Variants in NFE2L2 observed in about 807,000 individuals in gnomAD.
NFE2L2 encodes the protein NFE2 like bZIP transcription factor 2, also known as nuclear factor erythroid 2-related factor 2.
In NFE2L2, 20 loss-of-function variants were observed where a neutral mutation model predicts 49.6. The observed-to-expected ratio is 0.40, with a 90% CI of 0.28 to 0.59. The LOEUF is 0.59. NFE2L2 is among the 20% of genes least tolerant of loss of function. The probability of loss-of-function intolerance (pLI) is 0.40; values close to 1 mark genes in which losing one functional copy is unlikely to be tolerated. For missense variants in NFE2L2, 578 were observed against 714.2 expected, an observed-to-expected ratio of 0.81 and a Z score of 2.17; for synonymous variants, 244 against 256.5, an observed-to-expected ratio of 0.95 and a Z score of 0.47.
chr2:177,251,780 C>A (rs534059955), intron 1 of NFE2L2, among the ~76,000 whole-genome samples: 1 of 151,530 alleles, frequency 6.6e-6, no homozygotes, highest in Admixed American at 6.6e-5. Flanking sequence ...CCGAGGTGGG[C>A]GGATCACGAG....
intron 1 of NFE2L2, among the ~76,000 whole-genome samples, chr2:177,242,579 C>T (rs1689976509): frequency 6.6e-6 from 1 of 152,188 alleles, no homozygotes; most frequent in South Asian, 2.1e-4. Context: ...CAGCCATTTT[C>T]ATGGGCTGCT....
chr2:177,233,170 G>T, intron 3 of NFE2L2, 80 bp downstream of exon 3: 3 of 1,169,818 alleles, frequency 2.6e-6, no homozygotes, highest in African/African-American at 1.7e-5. Context: ...GAGATTCATT[G>T]ACGGGACTTA....
chr2:177,231,237 T>C lies in NFE2L2; in HGVS notation c.1366A>G (p.Arg456Gly). Residue 456 changes from arginine (R) to glycine (G), a missense_variant, in exon 5 of 5, where the codon AGA (arginine) becomes GGA (glycine). By Grantham distance (125) the Arg-to-Gly change is moderately radical. Around this residue, in one of 3 missense-constraint regions of NFE2L2, gnomAD observed 117 missense variants for 175.8 expected, o/e 0.67. Transcript: ENST00000397062. Reference protein sequence around the residue: ...HSSRLEAHLTRDELRAKALHI... With the variant: ...HSSRLEAHLTGDELRAKALHI... ...AGAGCTTTTGCCCTAAGTTCATCTC[T>C]TGTGAGATGAGCCTCCAAGCGGCTT... 6.2e-7 allele frequency: 1 copy of C among 1,614,222 alleles called. No homozygotes were observed. The highest frequency in any genetic ancestry group is 8.5e-7 in the Non-Finnish European group (1 of 1,180,022).
intron 1 of NFE2L2, among the ~76,000 whole-genome samples, chr2:177,244,169 C>G (rs1429509492): frequency 1.3e-5 from 2 of 151,468 alleles, no homozygotes; most frequent in African/African-American, 2.4e-5. Context: ...GGCATGGTGG[C>G]GGGTGCCTGT....
In NFE2L2 at chr2:177,231,105, C is replaced by T. The variant is rs774478415; in HGVS notation, c.1498G>A (p.Asp500Asn). ...TTATTCTTACCCCTCCTACGTATAT[C>T]CCGAATTAATGCAAGTTGAGCTTCA... ...FNEAQLALIR[D>N]IRRRGKNKVA... The change falls in exon 5 of 5, where the codon GAT (aspartate) becomes AAT (asparagine). Residue 500 changes from aspartate (D) to asparagine (N), a missense_variant. Physicochemically the swap from Asp to Asn is conservative, Grantham distance 23. This residue lies in a region of NFE2L2 where 117 missense variants were observed against 175.8 expected (regional missense o/e 0.67). Coordinates refer to ENST00000397062, the MANE Select transcript of NFE2L2 (RefSeq NM_006164.5). 1.2e-5 allele frequency: 20 copies of T among 1,614,096 alleles called. No homozygotes were observed. The highest frequency in any genetic ancestry group is 1.5e-5 in the Non-Finnish European group (18 of 1,180,036).
intron 1 of NFE2L2, chr2:177,256,120 T>C (rs553323878): frequency 1.4e-4 from 22 of 154,746 alleles, no homozygotes; most frequent in South Asian, 6.1e-4. Flanking sequence ...GCCCCAGTAC[T>C]GCAAAACAAA....
At position 177,261,880 on chromosome 2, in the gene NFE2L2, G is replaced by A. The variant is rs901688627; in HGVS notation, c.45+2652C>T. 8.0e-5 allele frequency among the ~76,000 whole-genome samples: 12 copies of A among 149,144 alleles called. No individual in the cohort carries two copies. In the South Asian group the frequency reaches 2.0e-3, roughly 25 times the overall value. ...TCAGTCAGGACAGAGGAAATTCCCA[G>A]AAAAAAAAATGTACTTGTTGGGTTC... On this transcript the variant is annotated intron_variant, in intron 1 of 4. Transcript: ENST00000397062.
chr2:177,263,827 C>G (rs1406873850), intron 1 of NFE2L2: 1 of 985,414 alleles, frequency 1.0e-6, no homozygotes, highest in East Asian at 1.1e-4. Context: ...AGCCGCCACA[C>G]GTCGGGGCTT....
At chr2:177,237,208 T>C (rs574855381) in intron 1 of NFE2L2, among the ~76,000 whole-genome samples, 6 of 152,338 alleles carry the variant, frequency 3.9e-5, no homozygotes, top group South Asian at 2.1e-4. Context: ...GGTTGCATCA[T>C]GGAACCAGAG....
chr2:177,263,131 T>C (rs759323281), intron 1 of NFE2L2, among the ~76,000 whole-genome samples: 1 of 152,236 alleles, frequency 6.6e-6, no homozygotes, highest in Admixed American at 6.5e-5. Flanking sequence ...GTTAGAAATA[T>C]AAATATCTAC....
At chr2:177,249,615 A>C (rs925177003) in intron 1 of NFE2L2, among the ~76,000 whole-genome samples, 1 of 152,198 alleles carries the variant, frequency 6.6e-6, no homozygotes, top group Non-Finnish European at 1.5e-5. Context: ...CCTCACCAAC[A>C]AAAAAATAAA....
At position 177,230,868 on chromosome 2, in the gene NFE2L2, T is replaced by C. The variant is rs1326178841; in HGVS notation, c.1735A>G (p.Ser579Gly). 3.1e-6 allele frequency: 5 copies of C among 1,613,368 alleles called. No homozygotes were observed. The highest frequency in any genetic ancestry group is 1.1e-5 in the South Asian group (1 of 90,786). Residue 579 changes from serine (S) to glycine (G), a missense_variant, in exon 5 of 5, where the codon AGT becomes GGT. Around this residue, in one of 3 missense-constraint regions of NFE2L2, gnomAD observed 117 missense variants for 175.8 expected, o/e 0.67. Transcript: ENST00000397062. ...RDEDGKPYSP[S>G]EYSLQQTRDG... ...CTTGTTTGCTGCAGGGAGTATTCACTAGGAGAATAAGGTTTTCCATCTTCA... is the reference window on the plus strand; with the variant it reads ...CTTGTTTGCTGCAGGGAGTATTCACCAGGAGAATAAGGTTTTCCATCTTCA...
intron 2 of NFE2L2, chr2:177,233,747 A>T (rs1292397589): frequency 3.5e-6 from 2 of 567,324 alleles, no homozygotes; most frequent in Non-Finnish European, 6.2e-6. Flanking sequence ...TCCTTACAGG[A>T]TGTTTCTATA....
At chr2:177,233,453 T>A (rs1689630926) in intron 2 of NFE2L2, 114 bp from the exon 3 acceptor site, 1 of 811,564 alleles carries the variant, frequency 1.2e-6, no homozygotes, top group Non-Finnish European at 1.9e-6. Flanking sequence ...TAAGTAAATA[T>A]TTATCTTATT....
chr2:177,252,660 T>TC (rs56307341), intron 1 of NFE2L2, among the ~76,000 whole-genome samples: 151,067 of 152,296 alleles, frequency 0.99, 74,935 homozygotes, highest in Middle Eastern at 1. Flanking sequence ...TGGATGAGTA[T>TC]TTTTAAAGCA....
At chr2:177,232,104 G>T in intron 4 of NFE2L2, 96 bp from the exon 5 acceptor site, 2 of 1,179,894 alleles carry the variant, frequency 1.7e-6, no homozygotes, top group Non-Finnish European at 1.2e-6. Flanking sequence ...TTATCTTCAG[G>T]CTTATCTCTA....
intron 1 of NFE2L2, among the ~76,000 whole-genome samples, chr2:177,245,890 A>G (rs1020383347): frequency 3.9e-4 from 59 of 152,272 alleles, no homozygotes; most frequent in African/African-American, 1.3e-3. Flanking sequence ...GATTACAGGC[A>G]TGAGCCACTG....
intron 3 of NFE2L2, 146 bp from the exon 4 acceptor site, chr2:177,232,729 C>CCTGGTT: frequency 1.3e-6 from 1 of 753,214 alleles, no homozygotes. Context: ...TTGTAAATAA[C>CCTGGTT]AAATCTTTTT....
rs777328020 is a variant in NFE2L2, at chr2:177,232,380, T to C, written c.594+12A>G. ...AAAAAAAATCTCCAGTATTACATTCTATTTTAGTTACCTGTAACTCAGGAA... is the reference window on the plus strand; with the variant it reads ...AAAAAAAATCTCCAGTATTACATTCCATTTTAGTTACCTGTAACTCAGGAA... On this transcript the variant is annotated intron_variant, in intron 4 of 4. Coordinates refer to ENST00000397062, the MANE Select transcript of NFE2L2 (RefSeq NM_006164.5). 4.4e-5 allele frequency: 70 copies of C among 1,605,768 alleles called. No individual in the cohort carries two copies. The South Asian group carries it at 6.6e-4, about 15-fold the overall frequency.
Sources: allele counts gnomAD v4.1 joint callset (sites outside exome capture counted in the v4.1 genomes callset), GRCh38; gene constraint gnomAD v4.1.1; regional missense constraint gnomAD v4.1.1; transcripts MANE v1.5; gene names NCBI Gene and HGNC (gene_info 2026-07-23, HGNC 2026-07-21).